The following SPO11 variants were observed in gnomAD, a reference collection of about 807,000 sequenced individuals.
SPO11 encodes SPO11 initiator of meiotic double strand breaks.
A neutral mutation model predicts 51.6 loss-of-function variants in SPO11; 49 were observed. That is an observed-to-expected ratio of 0.95 (90% CI 0.75 to 1.20). SPO11 has a LOEUF of 1.20. Ranked by LOEUF, SPO11 falls within the 50% of genes most tolerant of loss-of-function variation. The pLI is 0.00. For missense variants in SPO11, 431 were observed against 473.4 expected (o/e 0.91, Z 0.83); for synonymous variants, 176 against 158.2 (o/e 1.11, Z -0.84).
At chr20:57,337,507 T>A (rs1214619038) in intron 8 of SPO11, among the ~76,000 whole-genome samples, 1 of 152,228 alleles carries the variant, frequency 6.6e-6, no homozygotes, top group African/African-American at 2.4e-5. Context: ...CCGCAACTGC[T>A]GCAGATCACC....
At position 57,335,826 on chromosome 20, in the gene SPO11, A is replaced by G; in HGVS notation, c.663A>G (p.Leu221=). The G allele has an allele frequency of 6.2e-7, 1 of 1,612,228 alleles. No homozygotes were observed. The highest frequency in any genetic ancestry group is 8.5e-7 in the Non-Finnish European group (1 of 1,178,748). Residue 221 remains leucine, a synonymous_variant, in exon 8 of 13, where the codon TTA becomes TTG. Transcript: ENST00000371263. ...TAGTTACAGATGCAAAGTTTGTATT[A>G]ATTGTAGAAAAAGATGCAACATTTC... ...RNLVTDAKFV[L]IVEKDATFQR... is the part of the protein sequence containing the mutation.
rs2066547382 is a variant in SPO11, at chr20:57,339,006, A to G, written c.862A>G (p.Ile288Val). The change falls in exon 10 of 13, where the codon ATC (isoleucine) becomes GTC (valine). Residue 288 changes from isoleucine to valine, a missense_variant. Ile to Val is a conservative substitution (Grantham distance 29). Coordinates refer to ENST00000371263, the MANE Select transcript of SPO11 (RefSeq NM_012444.3). The stretch of plus-strand genomic sequence containing the variant: ...TTTAACAGGCATAGAAATAATGTGC[A>G]TCTATAAGTATGGATCTATGGTAAG... ...ADPHGIEIMC[I>V]YKYGSMSMSF... The G allele has an allele frequency of 6.7e-7, 1 of 1,490,454 alleles. No homozygotes were observed. Among genetic ancestry groups the G allele is most frequent in the Non-Finnish European group, 9.1e-7 (1 of 1,093,916 alleles). The allele number at this position is 1,490,454 out of a possible 1,614,324, so 92.3% of individuals were successfully genotyped here. A position where few individuals can be genotyped will look rare whatever the true frequency, so the allele number is the denominator to read the frequency against.
chr20:57,330,377 T>G (rs1406169737), intron 1 of SPO11, among the ~76,000 whole-genome samples: 4 of 152,156 alleles, frequency 2.6e-5, no homozygotes, highest in African/African-American at 9.7e-5. Context: ...TTTAAGGGTT[T>G]TTTTTGGTTT....
intron 8 of SPO11, among the ~76,000 whole-genome samples, chr20:57,336,387 T>C (rs533498680): frequency 3.4e-4 from 52 of 152,286 alleles, no homozygotes; most frequent in African/African-American, 1.3e-3. Flanking sequence ...TCCTTAATCC[T>C]TCCCCTTTCA....
At position 57,329,932 on chromosome 20, in the gene SPO11, C is replaced by T. The variant is rs1429035774; in HGVS notation, c.65C>T (p.Ser22Phe). ...FFDVLDRHRE[S>F]LLAALRRGGR... ...GACGTTTTGGACCGACACAGGGAGT[C>T]CCTGCTGGCTGCCCTGAGGAGAGGT... Residue 22 changes from serine (S) to phenylalanine (F), a missense_variant, in exon 1 of 13, where the codon TCC (serine) becomes TTC (phenylalanine). Coordinates refer to ENST00000371263, the MANE Select transcript of SPO11 (RefSeq NM_012444.3). 1.2e-6 allele frequency: 2 copies of T among 1,613,718 alleles called. No individual in the cohort carries two copies. The highest frequency in any genetic ancestry group is 1.1e-5 in the South Asian group (1 of 91,076).
At chr20:57,337,711 G>A (rs2066529101) in intron 8 of SPO11, 10 of 1,291,068 alleles carry the variant, frequency 7.7e-6, no homozygotes, top group Non-Finnish European at 1.0e-5. Flanking sequence ...CAGTCTGTTT[G>A]TATATAATGT....
intron 1 of SPO11, among the ~76,000 whole-genome samples, chr20:57,330,419 G>T (rs28368070): frequency 6.6e-6 from 1 of 151,972 alleles, no homozygotes; most frequent in Non-Finnish European, 1.5e-5. Context: ...GAAAGAAAAT[G>T]AGTGTTGTAT....
chr20:57,339,911 G>A (rs138819150), intron 10 of SPO11, among the ~76,000 whole-genome samples, 191 bp from the exon 11 acceptor site: 1 of 152,274 alleles, frequency 6.6e-6, no homozygotes, highest in Non-Finnish European at 1.5e-5. Context: ...ACCCAGAGAA[G>A]TTTTAACACC....
At chr20:57,342,347 G>A (rs1428554190) in intron 11 of SPO11, among the ~76,000 whole-genome samples, 1 of 152,252 alleles carries the variant, frequency 6.6e-6, no homozygotes, top group African/African-American at 2.4e-5. Flanking sequence ...CTCACTGCCA[G>A]AAGAGTGTGA....
intron 11 of SPO11, among the ~76,000 whole-genome samples, chr20:57,341,323 G>A (rs2066579273): frequency 6.6e-6 from 1 of 152,180 alleles, no homozygotes; most frequent in African/African-American, 2.4e-5. Flanking sequence ...TGAATTCCCA[G>A]AAGAACTGGT....
chr20:57,332,990 T>C (rs538696876), intron 2 of SPO11, among the ~76,000 whole-genome samples, 198 bp from the exon 3 acceptor site: 1 of 152,350 alleles, frequency 6.6e-6, no homozygotes, highest in Non-Finnish European at 1.5e-5. Flanking sequence ...TTAGTGCCTC[T>C]GTATGTCACA....
chr20:57,332,329 A>G (rs2066460125), intron 2 of SPO11, among the ~76,000 whole-genome samples: 1 of 152,200 alleles, frequency 6.6e-6, no homozygotes, highest in Non-Finnish European at 1.5e-5. Context: ...CCACTTGCTC[A>G]GGGGAAATAT....
chr20:57,338,240 T>A, intron 8 of SPO11, 36 bp from the exon 9 acceptor site: 1 of 1,391,420 alleles, frequency 7.2e-7, no homozygotes, highest in Non-Finnish European at 1.0e-6. Context: ...TTTATTCTAC[T>A]GAAGTTAAAA....
chr20:57,338,766 C>T (rs1463790410), intron 9 of SPO11, among the ~76,000 whole-genome samples: 3 of 151,918 alleles, frequency 2.0e-5, no homozygotes, highest in Non-Finnish European at 4.4e-5. Flanking sequence ...TTTCTACTCT[C>T]GGGACACTTA....
Position 57,331,890 on chromosome 20 carries a change from A to C in SPO11, c.189A>C (p.Ala63=), listed in dbSNP as rs751806535. 7 of 1,607,518 alleles carry C rather than the reference A, an allele frequency of 4.4e-6. No individual in the cohort carries two copies. In the African/African-American group the frequency reaches 8.0e-5, roughly 18 times the overall value. The change falls in exon 2 of 13, where the codon GCA becomes GCC. Residue 63 remains alanine (A), a synonymous_variant. Transcript: ENST00000371263. Reference sequence around the variant, plus strand: ...TCCAAGACATAATCACAAGCTTGGCAAGAAATGAAGCACCTGCATTCACGA... The same window carrying C: ...TCCAAGACATAATCACAAGCTTGGCCAGAAATGAAGCACCTGCATTCACGA... ...NIIQDIITSL[A]RNEAPAFTID...
chr20:57,341,233 TC>T (rs1476697471), intron 11 of SPO11, among the ~76,000 whole-genome samples: 1 of 152,212 alleles, frequency 6.6e-6, no homozygotes, highest in Admixed American at 6.5e-5. Flanking sequence ...GGTTTCCAAA[TC>T]TCTATTCTGA....
Position 57,333,751 on chromosome 20 carries a change from A to G in SPO11, c.399A>G (p.Lys133=). 1 of 1,441,876 alleles carries G rather than the reference A, an allele frequency of 6.9e-7. No homozygotes were observed. The highest frequency in any genetic ancestry group is 2.3e-5 in the East Asian group (1 of 43,718). 89.3% of individuals were successfully genotyped at this position (1,441,876 alleles called of 1,614,324 possible). Residue 133 remains lysine (K), a splice_region_variant and synonymous_variant, in exon 4 of 13, where the codon AAA becomes AAG. Coordinates refer to ENST00000371263, the MANE Select transcript of SPO11 (RefSeq NM_012444.3). The part of the protein sequence containing the change: ...KLVQSNTYAT[K]RDIYYTDSQL... Reference sequence around the variant, plus strand: ...TACAGAGCAACACTTATGCAACCAAAAGGTAAATATATTGTTCTAGTAAAT... The same window carrying G: ...TACAGAGCAACACTTATGCAACCAAGAGGTAAATATATTGTTCTAGTAAAT...
At chr20:57,331,735 A>C in intron 1 of SPO11, 98 bp from the exon 2 acceptor site, 2 of 586,730 alleles carry the variant, frequency 3.4e-6, no homozygotes, top group East Asian at 6.0e-5. Context: ...AAAAGAATAA[A>C]ATAAAAAGTT....
intron 8 of SPO11, among the ~76,000 whole-genome samples, chr20:57,337,956 C>T (rs964702054): frequency 4.6e-5 from 7 of 152,012 alleles, no homozygotes; most frequent in African/African-American, 9.7e-5. Context: ...GGCGTGATTT[C>T]GGCTCATTGC....
Sources: gnomAD v4.1 joint callset for allele counts (sites outside exome capture counted in the v4.1 genomes callset) on GRCh38, gnomAD v4.1.1 for gene constraint, MANE v1.5 for transcripts, NCBI Gene and HGNC (gene_info 2026-07-23, HGNC 2026-07-21) for gene names.